RASEF: variants seen among roughly 807,000 people sequenced by gnomAD.
RASEF encodes RAS and EF-hand domain containing.
In RASEF, 68 loss-of-function variants were observed where a neutral mutation model predicts 90.1. The ratio of observed to expected loss-of-function variants is 0.75; its 90% CI spans 0.62 to 0.92. The LOEUF is 0.92. Among genes scored for constraint, RASEF ranks in the 40% least tolerant of loss-of-function variants. The pLI is 0.00. For missense variants in RASEF, 949 were observed against 937.2 expected (o/e 1.01, Z -0.16); for synonymous variants, 331 against 345.2 (o/e 0.96, Z 0.46).
the RASEF span, among the ~76,000 whole-genome samples, chr9:83,160,033 C>T: frequency 6.6e-6 from 1 of 152,264 alleles, no homozygotes; most frequent in Non-Finnish European, 1.5e-5. Flanking sequence ...CCACGTGGAA[C>T]TGTAAGTCCA....
chr9:83,158,692 ATG>A, the RASEF span, among the ~76,000 whole-genome samples: 1 of 146,764 alleles, frequency 6.8e-6, no homozygotes, highest in Non-Finnish European at 1.5e-5. Context: ...ATATACATAT[ATG>A]TATATATTTA....
intron 7 of RASEF, among the ~76,000 whole-genome samples, 180 bp from the exon 8 acceptor site, chr9:83,005,680 GA>G (rs1167156991): frequency 6.6e-6 from 1 of 152,162 alleles, no homozygotes; most frequent in Non-Finnish European, 1.5e-5. Context: ...TAAAGTACAA[GA>G]ACTAAATTGA....
the RASEF span, among the ~76,000 whole-genome samples, chr9:83,068,379 A>G: frequency 1.3e-5 from 2 of 152,214 alleles, no homozygotes; most frequent in Non-Finnish European, 2.9e-5. Context: ...CTGTGATTAC[A>G]TTATGTTATA....
intron 1 of RASEF, among the ~76,000 whole-genome samples, chr9:83,048,981 G>A (rs923038388): frequency 1.2e-4 from 18 of 151,966 alleles, no homozygotes; most frequent in Admixed American, 3.3e-4. Context: ...AAAATTAGCC[G>A]GGTGTGGTAG....
the RASEF span, among the ~76,000 whole-genome samples, chr9:83,178,223 C>A: frequency 3.3e-5 from 5 of 152,168 alleles, no homozygotes; most frequent in African/African-American, 7.2e-5. Flanking sequence ...CTCTTCTCTT[C>A]TTTAGCCCAT....
At chr9:83,035,085 G>A (rs1240585710) in intron 1 of RASEF, among the ~76,000 whole-genome samples, 4 of 152,148 alleles carry the variant, frequency 2.6e-5, no homozygotes, top group Admixed American at 1.3e-4. Context: ...TGTCTTACGC[G>A]TGGCAGTACT....
the RASEF span, among the ~76,000 whole-genome samples, chr9:83,072,369 C>T: frequency 1.3e-5 from 2 of 152,148 alleles, no homozygotes; most frequent in Admixed American, 1.3e-4. Flanking sequence ...CCCCACTTTG[C>T]CACTTTGCTA....
chr9:83,035,100 G>C (rs1385156590), intron 1 of RASEF, among the ~76,000 whole-genome samples: 1 of 152,142 alleles, frequency 6.6e-6, no homozygotes, highest in Non-Finnish European at 1.5e-5. Flanking sequence ...AGTACTCTGG[G>C]AACTGAAAAG....
chr9:83,014,153 A>C (rs1167553976), intron 4 of RASEF, among the ~76,000 whole-genome samples: 1 of 152,244 alleles, frequency 6.6e-6, no homozygotes, highest in African/African-American at 2.4e-5. Flanking sequence ...CTGTAATGTA[A>C]GCATAGTATG....
chr9:83,049,303 T>C (rs1587523356), intron 1 of RASEF: 12 of 985,122 alleles, frequency 1.2e-5, no homozygotes, highest in South Asian at 9.4e-5. Flanking sequence ...GAATTAGCAA[T>C]AGTCAGCTAA....
rs376300938 is a variant in RASEF, at chr9:83,062,754, C to G, written c.114G>C (p.Thr38=). 1.3e-6 allele frequency: 2 copies of G among 1,567,174 alleles called. No individual in the cohort carries two copies. Among genetic ancestry groups the G allele is most frequent in the African/African-American group, 1.3e-5 (1 of 74,092 alleles). Residue 38 remains threonine, a synonymous_variant, in exon 1 of 17, where the codon ACG becomes ACC. Transcript: ENST00000376447. ...CGTCGGCCGGCCGCACCCGCAGCTC[C>G]GTGCACAGTGCCCGGAACTCCTCGC... The part of the protein sequence containing the change: ...LEREEFRALC[T]ELRVRPADAE...
At position 83,000,437 on chromosome 9, in the gene RASEF, G is replaced by A. The variant is rs1177893549; in HGVS notation, c.1571C>T (p.Pro524Leu). 1 of 1,613,834 alleles carries A rather than the reference G, an allele frequency of 6.2e-7. No individual in the cohort carries two copies. Among genetic ancestry groups the A allele is most frequent in the Non-Finnish European group, 8.5e-7 (1 of 1,179,948 alleles). Residue 524 changes from proline (P) to leucine (L), a missense_variant, in exon 11 of 17, where the codon CCC (proline) becomes CTC (leucine). Coordinates refer to ENST00000376447, the MANE Select transcript of RASEF (RefSeq NM_152573.4). ...AGTGTCTCGGAGACCACCTACCTGG[G>A]GCGAGAGTGCTGAGATGGGCTTTCT... ...SSRKPISALS[P>L]QTDLVDDNAK...
chr9:83,055,096 T>C (rs1830078199), intron 1 of RASEF: 1 of 159,608 alleles, frequency 6.3e-6, no homozygotes, highest in Admixed American at 6.1e-5. Flanking sequence ...CCAGGCTGCT[T>C]TGTTTACCTA....
the RASEF span, among the ~76,000 whole-genome samples, chr9:83,088,346 C>G: frequency 6.9e-6 from 1 of 145,276 alleles, no homozygotes; most frequent in Non-Finnish European, 1.5e-5. Flanking sequence ...TCTTATCTAT[C>G]TATATACACA....
the RASEF span, among the ~76,000 whole-genome samples, chr9:83,206,947 C>T: frequency 1.4e-4 from 22 of 152,118 alleles, no homozygotes; most frequent in Non-Finnish European, 2.8e-4. Context: ...TGCGTCTTCC[C>T]GTCTAGGCCG....
At chr9:83,194,813 T>G in the RASEF span, among the ~76,000 whole-genome samples, 1 of 152,196 alleles carries the variant, frequency 6.6e-6, no homozygotes, top group Non-Finnish European at 1.5e-5. Flanking sequence ...GCTCCAACTT[T>G]GATCAGCTCT....
At chr9:83,079,381 C>G in the RASEF span, among the ~76,000 whole-genome samples, 105 of 152,260 alleles carry the variant, frequency 6.9e-4, no homozygotes, top group African/African-American at 2.3e-3. Flanking sequence ...TCTGGGCTCT[C>G]TATTCTGTTC....
chr9:83,103,625 G>T, the RASEF span, among the ~76,000 whole-genome samples: 7 of 152,024 alleles, frequency 4.6e-5, no homozygotes, highest in African/African-American at 1.7e-4. Flanking sequence ...TTAATGCAGG[G>T]TGAAAGACAC....
At chr9:83,206,481 G>A in the RASEF span, among the ~76,000 whole-genome samples, 1 of 152,182 alleles carries the variant, frequency 6.6e-6, no homozygotes, top group Non-Finnish European at 1.5e-5. Context: ...CTCAGAGAGA[G>A]GGAGATCCAA....
Sources: gnomAD v4.1 joint callset for allele counts (sites outside exome capture counted in the v4.1 genomes callset) on GRCh38, gnomAD v4.1.1 for gene constraint, MANE v1.5 for transcripts, NCBI Gene and HGNC (gene_info 2026-07-23, HGNC 2026-07-21) for gene names.